The following SLC39A9 variants were observed in gnomAD, a reference collection of about 807,000 sequenced individuals.
SLC39A9 encodes solute carrier family 39 member 9, also known as zinc transporter ZIP9.
SLC39A9 carries 14 observed loss-of-function variants against 28.4 expected under a neutral mutation model. The observed-to-expected ratio is 0.49, with a 90% CI of 0.33 to 0.77. The LOEUF is 0.77. SLC39A9 is among the 30% of genes least tolerant of loss of function. SLC39A9 has a pLI of 0.02. For synonymous variants in SLC39A9, 119 were observed against 149.6 expected (o/e 0.80, Z 1.49); for missense variants, 283 against 381.1 (o/e 0.74, Z 2.14).
Position 69,414,849 on chromosome 14 carries a change from T to C in SLC39A9, c.97-9245T>C, listed in dbSNP as rs375163709. ...CAGTCACTGTTCTGATTTCAATCTT[T>C]ATAGATTAGTTTGGCCTGTTTTTAA... On this transcript the variant is annotated intron_variant, in intron 1 of 6. Coordinates refer to ENST00000336643, the MANE Select transcript of SLC39A9 (RefSeq NM_018375.5). Among the ~76,000 whole-genome samples the C allele has an allele frequency of 3.4e-4, 52 of 152,322 alleles. 3 individuals are homozygous for C. The highest frequency in any genetic ancestry group is 2.3e-3 in the South Asian group (11 of 4,826).
At chr14:69,444,536 G>A (rs1407112604) in intron 3 of SLC39A9, among the ~76,000 whole-genome samples, 2 of 152,150 alleles carry the variant, frequency 1.3e-5, no homozygotes, top group Non-Finnish European at 1.5e-5. Context: ...TGATAGAATA[G>A]GCACTCATAT....
At chr14:69,426,855 T>C (rs983243123) in intron 2 of SLC39A9, among the ~76,000 whole-genome samples, 3 of 152,196 alleles carry the variant, frequency 2.0e-5, no homozygotes, top group African/African-American at 7.2e-5. Context: ...TGTGTGTGTG[T>C]ATATGTTTGT....
At chr14:69,454,352 C>G (rs1885755684) in intron 4 of SLC39A9, among the ~76,000 whole-genome samples, 1 of 152,204 alleles carries the variant, frequency 6.6e-6, no homozygotes, top group South Asian at 2.1e-4. Flanking sequence ...TCATTGCAAG[C>G]TCCACCTCCC....
chr14:69,450,507 G>T (rs1006138101), intron 3 of SLC39A9, among the ~76,000 whole-genome samples: 2 of 152,090 alleles, frequency 1.3e-5, no homozygotes, highest in African/African-American at 4.8e-5. Flanking sequence ...AGTCACAATG[G>T]TGCACGCCTG....
intron 3 of SLC39A9, among the ~76,000 whole-genome samples, chr14:69,450,176 A>C (rs1432000423): frequency 6.6e-6 from 1 of 151,736 alleles, no homozygotes. Context: ...GTGACCATGC[A>C]AGATTCCATC....
intron 3 of SLC39A9, among the ~76,000 whole-genome samples, chr14:69,444,485 A>G (rs942170840): frequency 6.6e-6 from 1 of 152,230 alleles, no homozygotes; most frequent in Non-Finnish European, 1.5e-5. Context: ...CTGTCAGGCA[A>G]AAATTCAGAA....
At chr14:69,425,491 C>T (rs913699492) in intron 2 of SLC39A9, among the ~76,000 whole-genome samples, 4 of 152,090 alleles carry the variant, frequency 2.6e-5, no homozygotes, top group Non-Finnish European at 4.4e-5. Flanking sequence ...CAGGAAGGAT[C>T]CCGGGAATAT....
At chr14:69,443,914 G>A (rs1885166453) in intron 3 of SLC39A9, among the ~76,000 whole-genome samples, 1 of 151,722 alleles carries the variant, frequency 6.6e-6, no homozygotes. Context: ...GGCCAAGCGT[G>A]GTGGCTCATG....
intron 2 of SLC39A9, among the ~76,000 whole-genome samples, chr14:69,441,330 A>T (rs188969020): frequency 6.6e-6 from 1 of 152,302 alleles, no homozygotes; most frequent in African/African-American, 2.4e-5. Flanking sequence ...TAAATGATAA[A>T]TGTCTAGTAT....
At chr14:69,435,752 A>C (rs1884711556) in intron 2 of SLC39A9, among the ~76,000 whole-genome samples, 1 of 151,602 alleles carries the variant, frequency 6.6e-6, no homozygotes, top group African/African-American at 2.4e-5. Context: ...GGTTTGCTGC[A>C]ACCTCTGCCT....
intron 2 of SLC39A9, among the ~76,000 whole-genome samples, chr14:69,427,725 A>G (rs1884272663): frequency 6.6e-6 from 1 of 152,208 alleles, no homozygotes; most frequent in Non-Finnish European, 1.5e-5. Context: ...TTTGAGGGTC[A>G]GTATATGAAG....
intron 1 of SLC39A9, among the ~76,000 whole-genome samples, chr14:69,411,738 G>A (rs17106981): frequency 0.056 from 8,453 of 151,592 alleles, 327 homozygotes; most frequent in East Asian, 0.094. Flanking sequence ...CAATTCTAGC[G>A]CTTAAAATAA....
rs776363999 is a variant in SLC39A9 at position 69,458,560 on chromosome 14, C to G, written c.891C>G (p.Ile297Met). ...CAGCCCTGGTTCTGGGTTGCCTCAT[C>G]CCTCTCATCCTGTCAGTAGGACACC... is the stretch of plus-strand genomic sequence containing the variant. Reference protein sequence around the residue: ...EVAALVLGCLIPLILSVGHQH With the variant: ...EVAALVLGCLMPLILSVGHQH The change falls in exon 7 of 7, where the codon ATC (isoleucine) becomes ATG (methionine). Residue 297 changes from isoleucine to methionine, a missense_variant. Transcript: ENST00000336643. 4 of 1,613,926 alleles carry G rather than the reference C, an allele frequency of 2.5e-6. No individual in the cohort carries two copies. In the Middle Eastern group the frequency reaches 4.9e-4, roughly 200 times the overall value.
At chr14:69,429,103 G>T (rs1246713197) in intron 2 of SLC39A9, 5 of 152,046 alleles carry the variant, frequency 3.3e-5, no homozygotes, top group African/African-American at 2.4e-5. Flanking sequence ...TCTATAAAGG[G>T]TACCCATTTT....
Position 69,461,970 on chromosome 14 carries a change from C to A in SLC39A9, c.*3377C>A. 2.4e-6 allele frequency: 1 copy of A among 417,120 alleles called. No homozygotes were observed. Among genetic ancestry groups the A allele is most frequent in the Non-Finnish European group, 4.3e-6 (1 of 233,786 alleles). 25.8% of individuals were successfully genotyped at this position (417,120 alleles called of 1,614,324 possible). On this transcript the variant is annotated 3_prime_UTR_variant, in exon 7 of 7. Transcript: ENST00000336643. Reference sequence around the variant, plus strand: ...CTGCTCAATACAGAATGGTCCACATCACCCAAAGTGCACTGTTGGAGATGC... The same window carrying A: ...CTGCTCAATACAGAATGGTCCACATAACCCAAAGTGCACTGTTGGAGATGC...
chr14:69,431,988 T>C (rs1247365092), intron 2 of SLC39A9, among the ~76,000 whole-genome samples: 2 of 152,222 alleles, frequency 1.3e-5, no homozygotes, highest in African/African-American at 4.8e-5. Flanking sequence ...TGATTCCATG[T>C]CCTTGCTATC....
chr14:69,434,224 C>T (rs1289612193), intron 2 of SLC39A9, among the ~76,000 whole-genome samples: 1 of 151,352 alleles, frequency 6.6e-6, no homozygotes, highest in Non-Finnish European at 1.5e-5. Flanking sequence ...GCTGGGATTA[C>T]AGGCGCCCAC....
intron 1 of SLC39A9, among the ~76,000 whole-genome samples, chr14:69,406,147 A>G (rs1050240933): frequency 6.6e-6 from 1 of 151,716 alleles, no homozygotes; most frequent in Non-Finnish European, 1.5e-5. Flanking sequence ...AACATCTTTC[A>G]TACCTTCCAC....
chr14:69,403,255 A>G (rs1882736048), intron 1 of SLC39A9, among the ~76,000 whole-genome samples: 1 of 152,188 alleles, frequency 6.6e-6, no homozygotes, highest in Non-Finnish European at 1.5e-5. Flanking sequence ...GCTCTAAATA[A>G]CAATGTTACA....
Sources: allele counts gnomAD v4.1 joint callset (sites outside exome capture counted in the v4.1 genomes callset), GRCh38; gene constraint gnomAD v4.1.1; transcripts MANE v1.5; gene names NCBI Gene and HGNC (gene_info 2026-07-23, HGNC 2026-07-21).